The following PREX1 variants were observed in gnomAD, a reference collection of about 807,000 sequenced individuals.
PREX1 encodes the protein phosphatidylinositol 3,4,5-trisphosphate-dependent Rac exchanger 1 protein.
Under a neutral mutation model 198.3 loss-of-function variants are expected in PREX1, and 41 were observed. The observed-to-expected ratio is 0.21, with a 90% CI of 0.16 to 0.27. The LOEUF (loss-of-function observed/expected upper bound fraction) is 0.27, where lower values mean the gene tolerates loss of function less well. Among genes scored for constraint, PREX1 ranks in the 10% least tolerant of loss-of-function variants. The probability of loss-of-function intolerance (pLI) is 1.00; values close to 1 mark genes in which losing one functional copy is unlikely to be tolerated. For missense variants in PREX1, 1,620 were observed against 2,200.7 expected, an observed-to-expected ratio of 0.74 and a Z score of 5.28; for synonymous variants, 843 against 887.2, an observed-to-expected ratio of 0.95 and a Z score of 0.89.
chr20:48,625,871 G>A lies in PREX1; in HGVS notation c.*14C>T. ...GCTCCAGAGGCCGCGGCCCAGCGTGGGGCATTTGGGTGTTCAGAGGTCCCC... is the reference window on the plus strand; with the variant it reads ...GCTCCAGAGGCCGCGGCCCAGCGTGAGGCATTTGGGTGTTCAGAGGTCCCC... On this transcript the variant is annotated 3_prime_UTR_variant, in exon 40 of 40. Transcript: ENST00000371941. 1.3e-6 allele frequency: 2 copies of A among 1,560,168 alleles called. No homozygotes were observed. The highest frequency in any genetic ancestry group is 1.4e-5 in the African/African-American group (1 of 71,918).
At chr20:48,637,516 C>G (rs2089374131) in intron 31 of PREX1, among the ~76,000 whole-genome samples, 195 bp downstream of exon 31, 3 of 152,378 alleles carry the variant, frequency 2.0e-5, no homozygotes, top group Admixed American at 1.3e-4. Flanking sequence ...TGGCACAGGA[C>G]AGGGCTCCTG....
intron 1 of PREX1, among the ~76,000 whole-genome samples, chr20:48,814,117 T>A (rs957159662): frequency 6.6e-6 from 1 of 152,170 alleles, no homozygotes; most frequent in East Asian, 1.9e-4. Context: ...CCCCTACACG[T>A]GGGTTCATGC....
At position 48,684,010 on chromosome 20, in the gene PREX1, G is replaced by A. The variant is rs1192122451; in HGVS notation, c.1335-2675C>T. Among the ~76,000 whole-genome samples the A allele has an allele frequency of 6.6e-6, 1 of 152,110 alleles. No homozygotes were observed. The highest frequency in any genetic ancestry group is 2.1e-4 in the South Asian group (1 of 4,826). On this transcript the variant is annotated intron_variant, in intron 10 of 39. Coordinates refer to ENST00000371941, the MANE Select transcript of PREX1 (RefSeq NM_020820.4). This position sits in a 1 kb window ranked among gnomAD's most constrained non-coding sequence, Gnocchi z 4.2. ...AAGCTCCCAGAAAGACACAGCTCAG[G>A]ACAGTGTGAGGAGAGCTGGAGATAC...
At chr20:48,681,675 C>G (rs989338040) in intron 10 of PREX1, among the ~76,000 whole-genome samples, 1 of 97,552 alleles carries the variant, frequency 1.0e-5, no homozygotes, top group African/African-American at 4.9e-5. Flanking sequence ...TGAGTGACTA[C>G]ATAGATGGAT....
chr20:48,750,728 C>T (rs2090130466), intron 1 of PREX1, among the ~76,000 whole-genome samples: 1 of 152,176 alleles, frequency 6.6e-6, no homozygotes, highest in Non-Finnish European at 1.5e-5. Flanking sequence ...GTTAGGAGCT[C>T]ATTTGACAGA....
chr20:48,718,235 G>A (rs1013999901), intron 5 of PREX1, among the ~76,000 whole-genome samples: 16 of 151,298 alleles, frequency 1.1e-4, no homozygotes, highest in African/African-American at 1.7e-4. Flanking sequence ...ACGGCTCACC[G>A]TGAAGTTCTA....
Position 48,714,950 on chromosome 20 carries a change from A to G in PREX1, c.622-6529T>C, listed in dbSNP as rs181751564. Among the ~76,000 whole-genome samples, 3 of 152,310 alleles carry G rather than the reference A, an allele frequency of 2.0e-5. No homozygotes were observed. In the East Asian group the frequency reaches 5.8e-4, roughly 29 times the overall value. On this transcript the variant is annotated intron_variant, in intron 5 of 39. Transcript: ENST00000371941. ...TGTGGGTATCTTCAAAGCCAACGAG[A>G]GCTTGAGCGATACTAACAAAGGTCT...
chr20:48,763,534 T>A (rs974806591), intron 1 of PREX1, among the ~76,000 whole-genome samples: 1 of 152,156 alleles, frequency 6.6e-6, no homozygotes, highest in African/African-American at 2.4e-5. Flanking sequence ...CTGAAGACAA[T>A]GACTTTCAAG....
chr20:48,704,044 G>A (rs533739256), intron 6 of PREX1, among the ~76,000 whole-genome samples: 3 of 152,300 alleles, frequency 2.0e-5, no homozygotes, highest in African/African-American at 4.8e-5. Context: ...CAATACATGC[G>A]TAGGGGCGGC....
the PREX1 span, among the ~76,000 whole-genome samples, chr20:48,855,768 T>A: frequency 6.6e-6 from 1 of 152,156 alleles, no homozygotes; most frequent in Admixed American, 6.5e-5. Flanking sequence ...TGTGGTGGCA[T>A]GTGCCTGTAA....
At chr20:48,781,795 A>G (rs1283070097) in intron 1 of PREX1, among the ~76,000 whole-genome samples, 5 of 152,212 alleles carry the variant, frequency 3.3e-5, no homozygotes, top group African/African-American at 1.2e-4. Context: ...GAGAATGTCT[A>G]GCTATGAATT....
chr20:48,653,413 G>A lies in PREX1; in HGVS notation c.2294C>T (p.Pro765Leu), dbSNP rs947542043. Reference sequence around the variant, plus strand: ...TGCCTGGAAGTGCTCCAGGACCTCAGGGGCACCATCGTTCATCACGTTGCT... The same window carrying A: ...TGCCTGGAAGTGCTCCAGGACCTCAAGGGCACCATCGTTCATCACGTTGCT... ...NGSNVMNDGA[P>L]EVLEHFQAFR... Residue 765 changes from proline (P) to leucine (L), a missense_variant, in exon 20 of 40, where the codon CCT becomes CTT. Physicochemically the swap from Pro to Leu is moderately conservative, Grantham distance 98. Transcript: ENST00000371941. 10 of 1,613,838 alleles carry A rather than the reference G, an allele frequency of 6.2e-6. No individual in the cohort carries two copies. Among genetic ancestry groups the A allele is most frequent in the African/African-American group, 2.7e-5 (2 of 74,930 alleles).
chr20:48,676,231 G>C lies in PREX1; in HGVS notation c.1627C>G (p.Leu543Val), dbSNP rs749065812. 1 of 1,614,114 alleles carries C rather than the reference G, an allele frequency of 6.2e-7. No homozygotes were observed. The highest frequency in any genetic ancestry group is 1.3e-5 in the African/African-American group (1 of 75,040). Residue 543 changes from leucine to valine, a missense_variant, in exon 14 of 40, where the codon CTT becomes GTT. Physicochemically the swap from Leu to Val is conservative, Grantham distance 32 (BLOSUM62 1). Coordinates refer to ENST00000371941, the MANE Select transcript of PREX1 (RefSeq NM_020820.4). ...DYHLKTYKSV[L>V]PGSKLVDWLL... ...CAGTCCACCAGCTTGCTCCCGGGAA[G>C]CACTGACTTGTAGGTCTTCAGGTGG...
chr20:48,844,594 G>T, the PREX1 span, among the ~76,000 whole-genome samples: 17 of 152,346 alleles, frequency 1.1e-4, no homozygotes, highest in African/African-American at 4.1e-4. Flanking sequence ...GGAAAGGAAA[G>T]TGACTTGTTC....
At chr20:48,704,714 C>A (rs1433459065) in intron 6 of PREX1, among the ~76,000 whole-genome samples, 3 of 152,184 alleles carry the variant, frequency 2.0e-5, no homozygotes, top group Admixed American at 2.0e-4. Flanking sequence ...CTCCACCACA[C>A]CTGGCTAATT....
chr20:48,766,935 G>A (rs761720323), intron 1 of PREX1, among the ~76,000 whole-genome samples: 13 of 152,174 alleles, frequency 8.5e-5, no homozygotes, highest in South Asian at 2.1e-4. Context: ...TGAGGACTAC[G>A]AGAAATGCTG....
intron 14 of PREX1, among the ~76,000 whole-genome samples, chr20:48,674,009 A>G (rs973970750): frequency 6.6e-5 from 10 of 152,366 alleles, no homozygotes; most frequent in South Asian, 2.1e-4. Context: ...GGAAGTAGCA[A>G]GGCTGGGACT....
rs370127460 is a variant in PREX1 at position 48,651,097 on chromosome 20, G to A, written c.2656-42C>T. 318 of 1,604,994 alleles carry A rather than the reference G, an allele frequency of 2.0e-4. 1 individual carries two copies. The highest frequency in any genetic ancestry group is 6.0e-4 in the East Asian group (27 of 44,730). On this transcript the variant is annotated intron_variant, in intron 22 of 39. Transcript: ENST00000371941. Reference sequence around the variant, plus strand: ...AGCTACTGAGCATTCCCTGTGTGCCGGGAAGATTTTAAGCGGTTCACCCAC... The same window carrying A: ...AGCTACTGAGCATTCCCTGTGTGCCAGGAAGATTTTAAGCGGTTCACCCAC...
rs1041222739 is a variant in PREX1, at chr20:48,649,478, G to C, written c.3127C>G (p.Gln1043Glu). 11 of 1,614,042 alleles carry C rather than the reference G, an allele frequency of 6.8e-6. No individual in the cohort carries two copies. In the African/African-American group the frequency reaches 1.3e-4, roughly 20 times the overall value. Residue 1043 changes from glutamine to glutamate, a missense_variant, in exon 25 of 40, where the codon CAG becomes GAG. Physicochemically the swap from Gln to Glu is conservative, Grantham distance 29. This residue lies in a region of PREX1 where 514 missense variants were observed against 611.6 expected (regional missense o/e 0.84). Transcript: ENST00000371941. Reference sequence around the variant, plus strand: ...CCGAAGCTGCCATCATGGAGACCCTGGCCTTGGGGATCACCCTCTGCAGCA... The same window carrying C: ...CCGAAGCTGCCATCATGGAGACCCTCGCCTTGGGGATCACCCTCTGCAGCA... ...LPAAEGDPQG[Q>E]GLHDGSFGPA...
Sources: gnomAD v4.1 joint callset for allele counts (sites outside exome capture counted in the v4.1 genomes callset) on GRCh38, gnomAD v4.1.1 for gene constraint, gnomAD v4.1.1 regional missense constraint, Gnocchi (gnomAD v3.1) non-coding constraint, MANE v1.5 for transcripts, NCBI Gene and HGNC (gene_info 2026-07-23, HGNC 2026-07-21) for gene names.